WWC1: variants seen among roughly 807,000 people sequenced by gnomAD.
WWC1 encodes the protein WW and C2 domain containing 1.
WWC1 carries 55 observed loss-of-function variants against 138.4 expected under a neutral mutation model. The observed-to-expected ratio is 0.40, with a 90% CI of 0.32 to 0.50. The LOEUF (loss-of-function observed/expected upper bound fraction) is 0.50, where lower values mean the gene tolerates loss of function less well. WWC1 is among the 20% of genes least tolerant of loss of function. The pLI is 0.72. For synonymous variants in WWC1, 524 were observed against 564.9 expected (o/e 0.93, Z 1.03); for missense variants, 1,226 against 1,420.4 (o/e 0.86, Z 2.20).
chr5:168,399,669 C>T (rs551181968), intron 5 of WWC1, 102 bp downstream of exon 5: 1 of 1,119,674 alleles, frequency 8.9e-7, no homozygotes, highest in African/African-American at 1.5e-5. Context: ...CCTCCCTTCT[C>T]AAAATGTGGC....
intron 5 of WWC1, among the ~76,000 whole-genome samples, chr5:168,404,518 GC>G: frequency 6.6e-6 from 1 of 152,302 alleles, no homozygotes; most frequent in South Asian, 2.1e-4. Flanking sequence ...CGTGCTCCAT[GC>G]CTCGCTCTCT....
At chr5:168,465,711 A>G (rs116151987) in intron 21 of WWC1, among the ~76,000 whole-genome samples, 3,786 of 151,156 alleles carry the variant, frequency 0.025, 173 homozygotes, top group African/African-American at 0.086. Flanking sequence ...GTGCATACCA[A>G]TATGCCCGGC....
At chr5:168,336,820 G>T (rs1773510182) in intron 1 of WWC1, among the ~76,000 whole-genome samples, 1 of 152,160 alleles carries the variant, frequency 6.6e-6, no homozygotes, top group Non-Finnish European at 1.5e-5. Flanking sequence ...TGGAATCACT[G>T]CACCTGTGGT....
At chr5:168,425,051 G>A (rs1781398608) in intron 11 of WWC1, among the ~76,000 whole-genome samples, 1 of 152,126 alleles carries the variant, frequency 6.6e-6, no homozygotes. Flanking sequence ...CTTGATACAT[G>A]GTGAAATCAG....
At chr5:168,457,880 A>G (rs778047337) in intron 19 of WWC1, among the ~76,000 whole-genome samples, 1 of 152,266 alleles carries the variant, frequency 6.6e-6, no homozygotes, top group Non-Finnish European at 1.5e-5. Flanking sequence ...GCACATTTGT[A>G]GAATGAAGGA....
At chr5:168,427,548 A>ATTTTTTTTTTTTTT (rs34177139) in intron 11 of WWC1, among the ~76,000 whole-genome samples, 1 of 101,146 alleles carries the variant, frequency 9.9e-6, no homozygotes, top group African/African-American at 4.1e-5. Flanking sequence ...CTTTTTTTTA[A>ATTTTTTTTTTTTTT]TTTTTTTTTT....
At chr5:168,436,570 G>A (rs1782364032) in intron 15 of WWC1, among the ~76,000 whole-genome samples, 1 of 152,084 alleles carries the variant, frequency 6.6e-6, no homozygotes, top group Non-Finnish European at 1.5e-5. Context: ...TCACTTAAAC[G>A]TAAAATAGGA....
chr5:168,374,549 C>G (rs1361972649), intron 2 of WWC1, among the ~76,000 whole-genome samples: 1 of 152,140 alleles, frequency 6.6e-6, no homozygotes, highest in Admixed American at 6.6e-5. Flanking sequence ...GTGCATATAA[C>G]ATAATGAGTG....
intron 16 of WWC1, among the ~76,000 whole-genome samples, chr5:168,443,027 A>G (rs1754925136): frequency 6.6e-6 from 1 of 152,164 alleles, no homozygotes; most frequent in East Asian, 1.9e-4. Context: ...CAGTGAAGTT[A>G]GTCTTACATA....
intron 3 of WWC1, among the ~76,000 whole-genome samples, chr5:168,387,908 T>TTCTC (rs35537451): frequency 1.3e-5 from 2 of 151,128 alleles, no homozygotes; most frequent in Admixed American, 1.3e-4. Context: ...GCAAAGTGAT[T>TTCTC]TCTCTCTCTC....
chr5:168,339,806 T>TTG (rs71310059), intron 1 of WWC1, among the ~76,000 whole-genome samples: 69,304 of 142,656 alleles, frequency 0.49, 18,657 homozygotes, highest in Non-Finnish European at 0.62. Flanking sequence ...TTCTTTTTGT[T>TTG]TTTCTTTCTT....
At chr5:168,455,216 G>A in intron 18 of WWC1, 140 bp from the exon 19 acceptor site, 2 of 1,091,550 alleles carry the variant, frequency 1.8e-6, no homozygotes, top group East Asian at 2.6e-5. Context: ...CATCTAGCAG[G>A]GCTAATGCCA....
intron 9 of WWC1, 69 bp from the exon 10 acceptor site, chr5:168,421,939 G>A: frequency 1.5e-6 from 2 of 1,362,880 alleles, no homozygotes; most frequent in East Asian, 2.4e-5. Flanking sequence ...GGGTCTGGGT[G>A]TACATGGGTA....
intron 17 of WWC1, among the ~76,000 whole-genome samples, chr5:168,450,881 G>T (rs13158266): frequency 0.31 from 47,381 of 152,020 alleles, 8,713 homozygotes; most frequent in Middle Eastern, 0.45. Flanking sequence ...AGACACCACT[G>T]AGAAAATGAA....
At chr5:168,350,848 C>T (rs1774887960) in intron 1 of WWC1, among the ~76,000 whole-genome samples, 1 of 152,068 alleles carries the variant, frequency 6.6e-6, no homozygotes, top group Admixed American at 6.6e-5. Flanking sequence ...AATGATGTTA[C>T]CAATTCCCAG....
rs745848768 is a variant in WWC1 at position 168,464,909 on chromosome 5, T to A, written c.3097T>A (p.Trp1033Arg). The A allele has an allele frequency of 6.2e-7, 1 of 1,614,160 alleles. No individual in the cohort carries two copies. Among genetic ancestry groups the A allele is most frequent in the South Asian group, 1.1e-5 (1 of 91,082 alleles). ...KSHGEKELPQWLREDERFRLL... is the reference protein window; with the variant it reads ...KSHGEKELPQRLREDERFRLL... ...CCACGGGGAGAAGGAGCTGCCACAG[T>A]GGTTGCGTGAGGACGAGCGTTTCCG... is the stretch of plus-strand genomic sequence containing the variant. Residue 1033 changes from tryptophan to arginine, a missense_variant, in exon 21 of 23, where the codon TGG becomes AGG. Around this residue, in one of 3 missense-constraint regions of WWC1, gnomAD observed 206 missense variants for 247.4 expected, o/e 0.83. Coordinates refer to ENST00000265293, the MANE Select transcript of WWC1 (RefSeq NM_015238.3).
chr5:168,340,017 T>C (rs1773907681), intron 1 of WWC1, among the ~76,000 whole-genome samples: 1 of 141,120 alleles, frequency 7.1e-6, no homozygotes. Context: ...TTCTTTCTTT[T>C]CTTTCTTTCC....
At chr5:168,436,789 A>G (rs1782382131) in intron 15 of WWC1, among the ~76,000 whole-genome samples, 2 of 151,878 alleles carry the variant, frequency 1.3e-5, no homozygotes, top group Non-Finnish European at 2.9e-5. Flanking sequence ...GACCCAAGCC[A>G]CTGTCTTCCC....
intron 1 of WWC1, among the ~76,000 whole-genome samples, chr5:168,367,532 C>T (rs1211460217): frequency 1.9e-5 from 1 of 53,336 alleles, no homozygotes; most frequent in African/African-American, 5.9e-5. Context: ...GGGGTTTCAC[C>T]GTGGTCTCGA....
Sources: allele counts gnomAD v4.1 joint callset (sites outside exome capture counted in the v4.1 genomes callset), GRCh38; gene constraint gnomAD v4.1.1; regional missense constraint gnomAD v4.1.1; transcripts MANE v1.5; gene names NCBI Gene and HGNC (gene_info 2026-07-23, HGNC 2026-07-21).